The following RAP1GDS1 variants were observed in gnomAD, a reference collection of about 807,000 sequenced individuals.
The protein encoded by RAP1GDS1 is RAP1, GTP-GDP dissociation stimulator 1.
A neutral mutation model predicts 71.1 loss-of-function variants in RAP1GDS1; 35 were observed. The observed-to-expected ratio is 0.49, with a 90% CI of 0.38 to 0.65. The LOEUF (loss-of-function observed/expected upper bound fraction) is 0.65, where lower values mean the gene tolerates loss of function less well. Among genes scored for constraint, RAP1GDS1 ranks in the 30% least tolerant of loss-of-function variants. The probability of loss-of-function intolerance (pLI) is 0.00; values close to 1 mark genes in which losing one functional copy is unlikely to be tolerated. For missense variants in RAP1GDS1, 663 were observed against 706.1 expected, an observed-to-expected ratio of 0.94 and a Z score of 0.69; for synonymous variants, 229 against 243.1, an observed-to-expected ratio of 0.94 and a Z score of 0.54.
chr4:98,389,357 A>C (rs1330357049), intron 5 of RAP1GDS1, among the ~76,000 whole-genome samples: 1 of 151,640 alleles, frequency 6.6e-6, no homozygotes, highest in Non-Finnish European at 1.5e-5. Flanking sequence ...GTAGAATGGC[A>C]GGCCTGCCAG....
chr4:98,284,850 A>G (rs1178948173), intron 1 of RAP1GDS1, among the ~76,000 whole-genome samples: 1 of 152,108 alleles, frequency 6.6e-6, no homozygotes, highest in African/African-American at 2.4e-5. Flanking sequence ...CAGGTCAGAA[A>G]TCCTAGTCTT....
At chr4:98,345,136 G>GCAA in intron 3 of RAP1GDS1, among the ~76,000 whole-genome samples, 1 of 152,258 alleles carries the variant, frequency 6.6e-6, no homozygotes, top group East Asian at 1.9e-4. Context: ...TCTGGCCTTT[G>GCAA]AGTGTTCTTT....
chr4:98,335,032 G>A lies in RAP1GDS1; in HGVS notation c.113-8107G>A, dbSNP rs145038105. Among the ~76,000 whole-genome samples, 573 of 151,912 alleles carry A rather than the reference G, an allele frequency of 3.8e-3. 1 individual carries two copies. Among genetic ancestry groups the A allele is most frequent in the Middle Eastern group, 0.014 (4 of 294 alleles). On this transcript the variant is annotated intron_variant, in intron 2 of 14. Transcript: ENST00000408927. ...TTTGAATAATGACTGTTTGAGCTCT[G>A]GATTTTCCTCGATATACTTGGTCCA... is the stretch of plus-strand genomic sequence containing the variant.
chr4:98,439,988 C>A (rs1049393973), intron 14 of RAP1GDS1, among the ~76,000 whole-genome samples: 3 of 152,204 alleles, frequency 2.0e-5, no homozygotes, highest in Non-Finnish European at 2.9e-5. Flanking sequence ...TAACCAATAA[C>A]TCCCCATTTA....
At chr4:98,428,647 C>T (rs1364974940) in intron 12 of RAP1GDS1, among the ~76,000 whole-genome samples, 1 of 152,180 alleles carries the variant, frequency 6.6e-6, no homozygotes, top group Admixed American at 6.5e-5. Context: ...AATGCCATAA[C>T]ACCTTACCCA....
chr4:98,400,643 G>GC (rs1232680382), intron 6 of RAP1GDS1, among the ~76,000 whole-genome samples: 1 of 151,864 alleles, frequency 6.6e-6, no homozygotes, highest in African/African-American at 2.4e-5. Flanking sequence ...GGAGGAGTAA[G>GC]CTTTAGTGTT....
At chr4:98,316,190 G>T (rs1220138084) in intron 2 of RAP1GDS1, among the ~76,000 whole-genome samples, 1 of 152,094 alleles carries the variant, frequency 6.6e-6, no homozygotes, top group Non-Finnish European at 1.5e-5. Flanking sequence ...TAGAGTTGTT[G>T]AAATCATTGG....
At chr4:98,432,006 A>G (rs1396683205) in intron 12 of RAP1GDS1, among the ~76,000 whole-genome samples, 1 of 152,074 alleles carries the variant, frequency 6.6e-6, no homozygotes, top group Non-Finnish European at 1.5e-5. Context: ...ATAGGTATAC[A>G]TGTGCCGTGT....
chr4:98,427,850 A>G (rs536768017), intron 12 of RAP1GDS1, among the ~76,000 whole-genome samples: 2 of 152,168 alleles, frequency 1.3e-5, no homozygotes, highest in Non-Finnish European at 2.9e-5. Flanking sequence ...TCACAGAACT[A>G]GAAAAAACAA....
intron 1 of RAP1GDS1, among the ~76,000 whole-genome samples, chr4:98,290,343 G>T (rs1376478858): frequency 6.6e-6 from 1 of 152,020 alleles, no homozygotes; most frequent in African/African-American, 2.4e-5. Flanking sequence ...CTTGAGATTT[G>T]TTCTTTGGGA....
chr4:98,351,137 C>T (rs1737122918), intron 3 of RAP1GDS1, among the ~76,000 whole-genome samples: 1 of 152,284 alleles, frequency 6.6e-6, no homozygotes, highest in East Asian at 1.9e-4. Flanking sequence ...CAGCATAATT[C>T]ATTTTCTTAA....
chr4:98,421,516 A>G, intron 12 of RAP1GDS1, 122 bp downstream of exon 12: 1 of 1,097,836 alleles, frequency 9.1e-7, no homozygotes, highest in Non-Finnish European at 1.2e-6. Context: ...ATTCAGTGAG[A>G]TCATGTATAT....
chr4:98,329,419 C>T (rs995467007), intron 2 of RAP1GDS1, among the ~76,000 whole-genome samples: 1 of 151,968 alleles, frequency 6.6e-6, no homozygotes, highest in Non-Finnish European at 1.5e-5. Context: ...GTCTTTTGAA[C>T]CCATCAGTTT....
chr4:98,316,797 A>T (rs1184126933), intron 2 of RAP1GDS1, among the ~76,000 whole-genome samples: 1 of 152,160 alleles, frequency 6.6e-6, no homozygotes, highest in East Asian at 1.9e-4. Context: ...CTTCAAGGGA[A>T]GTCTCCTGAG....
chr4:98,421,241 C>T lies in RAP1GDS1; in HGVS notation c.1301-14C>T, dbSNP rs767768317. 6.3e-7 allele frequency: 1 copy of T among 1,594,836 alleles called. No individual in the cohort carries two copies. Among genetic ancestry groups the T allele is most frequent in the South Asian group, 1.1e-5 (1 of 87,300 alleles). On this transcript the variant is annotated splice_polypyrimidine_tract_variant and intron_variant, in intron 11 of 14. Transcript: ENST00000408927. Reference sequence around the variant, plus strand: ...GTTAGTGATTCATTCCTTGGTTTGCCTTCTTTCCTATAGCAGAAGCTGCTG... The same window carrying T: ...GTTAGTGATTCATTCCTTGGTTTGCTTTCTTTCCTATAGCAGAAGCTGCTG...
intron 6 of RAP1GDS1, among the ~76,000 whole-genome samples, chr4:98,393,184 C>T (rs1743986613): frequency 6.6e-6 from 1 of 152,134 alleles, no homozygotes; most frequent in African/African-American, 2.4e-5. Context: ...AGCATGAAGT[C>T]ACTAGTCTTG....
intron 12 of RAP1GDS1, among the ~76,000 whole-genome samples, chr4:98,433,495 A>G (rs978904821): frequency 6.6e-6 from 1 of 151,988 alleles, no homozygotes; most frequent in Non-Finnish European, 1.5e-5. Context: ...GGGTCTCGCT[A>G]TGTTGCCAGG....
chr4:98,356,576 AT>A (rs1228401237), intron 4 of RAP1GDS1, among the ~76,000 whole-genome samples: 2 of 152,090 alleles, frequency 1.3e-5, no homozygotes, highest in Non-Finnish European at 2.9e-5. Context: ...GAAATTAAAT[AT>A]TTGTGCCTTT....
rs201226524 is a variant in RAP1GDS1, at chr4:98,408,105, T to TATA, written c.763+3503_763+3504insATA. Reference sequence around the variant, plus strand: ...CCCATATATTTTATATATATATATATTTTTTTTTTTCCCTCCCCCGCAAGA... The same window carrying TATA: ...CCCATATATTTTATATATATATATATATATTTTTTTTTTCCCTCCCCCGCAAGA... On this transcript the variant is annotated intron_variant, in intron 7 of 14. Transcript: ENST00000408927. 2.1e-3 allele frequency among the ~76,000 whole-genome samples: 256 copies of TATA among 123,608 alleles called. 1 individual carries two copies. Among genetic ancestry groups the TATA allele is most frequent in the African/African-American group, 8.2e-3 (240 of 29,302 alleles). The allele number at this position is 123,608 out of a possible 152,430, so 81.1% of individuals were successfully genotyped here. A position where few individuals can be genotyped will look rare whatever the true frequency, so the allele number is the denominator to read the frequency against.
Sources: allele counts gnomAD v4.1 joint callset (sites outside exome capture counted in the v4.1 genomes callset), GRCh38; gene constraint gnomAD v4.1.1; transcripts MANE v1.5; gene names NCBI Gene and HGNC (gene_info 2026-07-23, HGNC 2026-07-21).